ANKFN1: variants seen among roughly 807,000 people sequenced by gnomAD.
ANKFN1 encodes the protein ankyrin repeat and fibronectin type III domain containing 1.
Under a neutral mutation model 108.7 loss-of-function variants are expected in ANKFN1, and 74 were observed. The ratio of observed to expected loss-of-function variants is 0.68; its 90% CI spans 0.56 to 0.83. The LOEUF (loss-of-function observed/expected upper bound fraction) is 0.83, where lower values mean the gene tolerates loss of function less well. Among genes scored for constraint, ANKFN1 ranks in the 40% least tolerant of loss-of-function variants. The pLI is 0.00. For synonymous variants in ANKFN1, 547 were observed against 516.2 expected (o/e 1.06, Z -0.81); for missense variants, 1,505 against 1,382.3 (o/e 1.09, Z -1.41).
Position 56,303,945 on chromosome 17 carries a change from C to G in ANKFN1, c.54-22276C>G, listed in dbSNP as rs190606238. Among the ~76,000 whole-genome samples the G allele has an allele frequency of 3.2e-3, 479 of 151,632 alleles. 1 individual carries two copies. Among genetic ancestry groups the G allele is most frequent in the Middle Eastern group, 0.017 (5 of 292 alleles). On this transcript the variant is annotated intron_variant, in intron 3 of 20. Coordinates refer to ENST00000682825, the MANE Select transcript of ANKFN1 (RefSeq NM_001370326.1). ...TCTCCTGACCTCGTGATCCGTCCAC[C>G]TTGGCCTCCCAAAGTGCTGGGATTA...
rs2043801110 is a variant in ANKFN1, at chr17:56,271,784, TC to T, written c.53+43829del. Among the ~76,000 whole-genome samples, 4 of 152,286 alleles carry T rather than the reference TC, an allele frequency of 2.6e-5. No homozygotes were observed. The South Asian group carries it at 8.3e-4, about 32-fold the overall frequency. ...ACCAGAGTGGCTCAGGGAGATTGCA[TC>T]CGGGGCTGGGTAAGCCAAGGCCTAC... On this transcript the variant is annotated intron_variant, in intron 3 of 20. Coordinates refer to ENST00000682825, the MANE Select transcript of ANKFN1 (RefSeq NM_001370326.1).
At chr17:56,336,283 A>G (rs1028269880) in intron 4 of ANKFN1, among the ~76,000 whole-genome samples, 3 of 152,196 alleles carry the variant, frequency 2.0e-5, no homozygotes, top group East Asian at 1.9e-4. Flanking sequence ...GAATAGTTTC[A>G]GAAGGAATGG....
At chr17:56,115,873 G>C (rs989270181) in intron 4 of ANKFN1, among the ~76,000 whole-genome samples, 1 of 152,166 alleles carries the variant, frequency 6.6e-6, no homozygotes, top group Non-Finnish European at 1.5e-5. Flanking sequence ...GGTCCTACAG[G>C]GGAACGGCCA....
intron 3 of ANKFN1, among the ~76,000 whole-genome samples, chr17:56,307,083 TG>T (rs1245583359): frequency 1.3e-5 from 2 of 152,124 alleles, no homozygotes; most frequent in Admixed American, 1.3e-4. Flanking sequence ...TAATTCAAGA[TG>T]GATTAAAGAC....
intron 3 of ANKFN1, among the ~76,000 whole-genome samples, chr17:56,296,766 G>C (rs1343243506): frequency 6.6e-6 from 1 of 152,230 alleles, no homozygotes; most frequent in Non-Finnish European, 1.5e-5. Flanking sequence ...ACAGACTTAA[G>C]TCCACTGCTG....
intron 3 of ANKFN1, among the ~76,000 whole-genome samples, chr17:56,283,446 G>A (rs773488403): frequency 1.5e-4 from 23 of 151,738 alleles, no homozygotes; most frequent in Admixed American, 2.6e-4. Context: ...TATGTTTATC[G>A]CTATAAACAA....
At chr17:56,405,241 A>G (rs1462814696) in intron 8 of ANKFN1, among the ~76,000 whole-genome samples, 1 of 152,252 alleles carries the variant, frequency 6.6e-6, no homozygotes, top group East Asian at 1.9e-4. Flanking sequence ...TGAGGGAAAG[A>G]TTGTTCACAG....
At chr17:56,282,796 T>G (rs569941187) in intron 3 of ANKFN1, among the ~76,000 whole-genome samples, 16 of 152,264 alleles carry the variant, frequency 1.1e-4, no homozygotes, top group Middle Eastern at 3.4e-3. Flanking sequence ...TTTGACAAAG[T>G]GTTGGCACAT....
chr17:56,325,871 C>CACTGCCCCTCT (rs2045501473), intron 3 of ANKFN1, among the ~76,000 whole-genome samples: 1 of 152,196 alleles, frequency 6.6e-6, no homozygotes, highest in African/African-American at 2.4e-5. Flanking sequence ...TGTAGTGACC[C>CACTGCCCCTCT]ACTGCCCCTC....
At chr17:56,324,380 C>T (rs1315047462) in intron 3 of ANKFN1, among the ~76,000 whole-genome samples, 27 of 152,134 alleles carry the variant, frequency 1.8e-4, no homozygotes, top group Admixed American at 1.8e-3. Flanking sequence ...TTGCAATAAA[C>T]ATGGGCTTTT....
intron 3 of ANKFN1, 119 bp downstream of exon 3, chr17:56,228,076 C>T: frequency 1.3e-6 from 1 of 781,768 alleles, no homozygotes; most frequent in Non-Finnish European, 2.0e-6. Context: ...TCAGCACACA[C>T]AGCCAATCTA....
intron 4 of ANKFN1, among the ~76,000 whole-genome samples, chr17:56,107,436 G>A (rs942532719): frequency 1.1e-4 from 16 of 152,290 alleles, no homozygotes; most frequent in Middle Eastern, 3.4e-3. Flanking sequence ...ACAATGACAG[G>A]TCAGGTAAGG....
chr17:56,099,299 A>G (rs1365819865), intron 4 of ANKFN1, among the ~76,000 whole-genome samples: 3 of 152,184 alleles, frequency 2.0e-5, no homozygotes, highest in African/African-American at 7.2e-5. Flanking sequence ...TTCTGGCTTT[A>G]TTCCTTCACT....
intron 1 of ANKFN1, among the ~76,000 whole-genome samples, chr17:56,156,379 C>T (rs1003953752): frequency 5.9e-5 from 9 of 152,168 alleles, no homozygotes; most frequent in South Asian, 2.1e-4. Flanking sequence ...TGAGCCACCA[C>T]GCCCAGCCTG....
chr17:56,318,475 A>C (rs985445754), intron 3 of ANKFN1, among the ~76,000 whole-genome samples: 9 of 152,178 alleles, frequency 5.9e-5, no homozygotes, highest in Admixed American at 1.3e-4. Flanking sequence ...GCCCCAGTCC[A>C]AGAGCTGAGA....
chr17:56,331,433 T>A (rs1450863526), intron 4 of ANKFN1, among the ~76,000 whole-genome samples: 1 of 152,194 alleles, frequency 6.6e-6, no homozygotes, highest in Non-Finnish European at 1.5e-5. Flanking sequence ...GGCTCAGACC[T>A]TTTGTCATAG....
At chr17:56,253,404 G>A (rs181848206) in intron 3 of ANKFN1, among the ~76,000 whole-genome samples, 242 of 152,196 alleles carry the variant, frequency 1.6e-3, no homozygotes, top group African/African-American at 5.7e-3. Flanking sequence ...CATTCTGAAG[G>A]CCAGTGGGTG....
At chr17:56,199,729 G>T (rs60717713) in intron 1 of ANKFN1, among the ~76,000 whole-genome samples, 2,689 of 152,206 alleles carry the variant, frequency 0.018, 81 homozygotes, top group African/African-American at 0.06. Context: ...GACACCCAGT[G>T]AAATCTGAAT....
At chr17:56,502,985 A>G (rs1265470886) in intron 20 of ANKFN1, among the ~76,000 whole-genome samples, 1 of 152,254 alleles carries the variant, frequency 6.6e-6, no homozygotes, top group Non-Finnish European at 1.5e-5. Flanking sequence ...AATTAAAATT[A>G]AGCATCTCTC....
Sources: gnomAD v4.1 joint callset for allele counts (sites outside exome capture counted in the v4.1 genomes callset) on GRCh38, gnomAD v4.1.1 for gene constraint, MANE v1.5 for transcripts, NCBI Gene and HGNC (gene_info 2026-07-23, HGNC 2026-07-21) for gene names.